MAGI1: variants seen among roughly 807,000 people sequenced by gnomAD.
MAGI1 encodes membrane-associated guanylate kinase, WW and PDZ domain-containing protein 1.
In MAGI1, 58 loss-of-function variants were observed where a neutral mutation model predicts 139.9. The observed-to-expected ratio is 0.41, with a 90% confidence interval of 0.34 to 0.52. MAGI1 has a LOEUF of 0.52. MAGI1 is among the 20% of genes least tolerant of loss of function. The pLI, the probability that MAGI1 is intolerant of heterozygous loss-of-function variation, is 0.12. For synonymous variants in MAGI1, 812 were observed against 737.9 expected (o/e 1.10, Z -1.63); for missense variants, 1,874 against 1,901.6 (o/e 0.99, Z 0.27).
chr3:65,890,112 TC>T (rs1171425635), intron 1 of MAGI1, among the ~76,000 whole-genome samples: 1 of 113,510 alleles, frequency 8.8e-6, no homozygotes, highest in Non-Finnish European at 1.7e-5. Flanking sequence ...ACGCCTGTAA[TC>T]CCGGCACTTT....
intron 1 of MAGI1, among the ~76,000 whole-genome samples, chr3:65,656,472 T>C (rs939284129): frequency 6.6e-6 from 1 of 152,204 alleles, no homozygotes; most frequent in Admixed American, 6.5e-5. Context: ...ACACATGTTT[T>C]AGGTGCTTTT....
intron 2 of MAGI1, chr3:65,609,795 T>C: frequency 2.9e-6 from 1 of 341,054 alleles, no homozygotes; most frequent in East Asian, 1.1e-4. Flanking sequence ...CAGGCTGGTC[T>C]CAAACTCCTG....
At chr3:65,532,441 C>A (rs1400937564) in intron 2 of MAGI1, among the ~76,000 whole-genome samples, 5 of 152,212 alleles carry the variant, frequency 3.3e-5, no homozygotes, top group Non-Finnish European at 5.9e-5. Context: ...CCCTGGAATA[C>A]AGACTACATA....
chr3:65,602,591 G>T (rs540748657), intron 2 of MAGI1, among the ~76,000 whole-genome samples: 7 of 152,158 alleles, frequency 4.6e-5, no homozygotes, highest in South Asian at 4.1e-4. Context: ...CTTTCTCGGG[G>T]TGATAAAAAC....
At chr3:65,610,981 TAG>T (rs1488488986) in intron 2 of MAGI1, among the ~76,000 whole-genome samples, 3 of 132,146 alleles carry the variant, frequency 2.3e-5, no homozygotes, top group African/African-American at 8.5e-5. Flanking sequence ...CACTATATAG[TAG>T]ATAGTATATA....
rs1033553795 is a variant in MAGI1, at chr3:65,845,183, G to A, written c.313+192813C>T. ...GGAGAATCACTTGAACCCAGGAGGCGGCGGTTGCAGTGAGCTGAGATTGTG... is the reference window on the plus strand; with the variant it reads ...GGAGAATCACTTGAACCCAGGAGGCAGCGGTTGCAGTGAGCTGAGATTGTG... On this transcript the variant is annotated intron_variant, in intron 1 of 22. Coordinates refer to ENST00000402939, the MANE Select transcript of MAGI1 (RefSeq NM_001033057.2). Among the ~76,000 whole-genome samples, 13 of 151,888 alleles carry A rather than the reference G, an allele frequency of 8.6e-5. No individual in the cohort carries two copies. The South Asian group carries it at 1.7e-3, about 19-fold the overall frequency.
Position 65,890,175 on chromosome 3 carries a change from T to C in MAGI1, c.313+147821A>G, listed in dbSNP as rs370468164. On this transcript the variant is annotated intron_variant, in intron 1 of 22. Coordinates refer to ENST00000402939, the MANE Select transcript of MAGI1 (RefSeq NM_001033057.2). ...GTCAGGAGATCGAGACCATCCTGGC[T>C]AACACAGTGAAACCCCGTCTCTACT... Among the ~76,000 whole-genome samples, 28 of 152,170 alleles carry C rather than the reference T, an allele frequency of 1.8e-4. No individual in the cohort carries two copies. The East Asian group carries it at 5.4e-3, about 30-fold the overall frequency.
chr3:65,358,446 A>G (rs1488414937), intron 22 of MAGI1, among the ~76,000 whole-genome samples: 2 of 152,306 alleles, frequency 1.3e-5, no homozygotes, highest in South Asian at 2.1e-4. Flanking sequence ...CCCAAAACCT[A>G]GAGTGGGTTT....
intron 1 of MAGI1, among the ~76,000 whole-genome samples, chr3:65,849,001 CTTTTTTTTTTTTTTTTTTTTTTTTTTT>C (rs558270441): frequency 5.0e-5 from 2 of 39,636 alleles, no homozygotes; most frequent in African/African-American, 1.9e-4. Context: ...TCAGAGCATT[CTTTTTTTTTTTTTTTTTTTTTTTTTTT>C]TTTTTTTTTT....
At chr3:65,538,641 A>T (rs2079066558) in intron 2 of MAGI1, among the ~76,000 whole-genome samples, 5 of 152,064 alleles carry the variant, frequency 3.3e-5, no homozygotes, top group African/African-American at 7.2e-5. Flanking sequence ...TATAGCCCTA[A>T]TGTGATTCTC....
intron 1 of MAGI1, among the ~76,000 whole-genome samples, chr3:65,958,405 G>A (rs2064241094): frequency 6.6e-6 from 1 of 152,162 alleles, no homozygotes; most frequent in African/African-American, 2.4e-5. Context: ...CATCAAAAAG[G>A]TATGCATGCA....
intron 6 of MAGI1, 185 bp from the exon 7 acceptor site, chr3:65,448,242 A>C: frequency 3.2e-6 from 2 of 618,886 alleles, no homozygotes; most frequent in Non-Finnish European, 5.8e-6. Flanking sequence ...TGTAAATCAC[A>C]AAACGGGAAG....
intron 2 of MAGI1, among the ~76,000 whole-genome samples, chr3:65,529,977 G>T (rs529792298): frequency 1.3e-5 from 2 of 151,982 alleles, no homozygotes; most frequent in Non-Finnish European, 2.9e-5. Flanking sequence ...TGTCTTAAAT[G>T]ACTTTAAGTC....
chr3:65,375,784 C>A lies in MAGI1; in HGVS notation c.3157G>T (p.Ala1053Ser). ...HSDIVNLIKEAGNTVTLRIIP... is the reference protein window; with the variant it reads ...HSDIVNLIKESGNTVTLRIIP... ...ATGCGGAGGGTAACTGTGTTTCCCG[C>A]TTCCTTGATTAGGTTCACAATGTCT... The change falls in exon 18 of 23, where the codon GCG (alanine) becomes TCG (serine). Residue 1053 changes from alanine to serine, a missense_variant. Ala to Ser is a moderately conservative substitution (Grantham distance 99). Transcript: ENST00000402939. The A allele has an allele frequency of 1.2e-6, 2 of 1,614,078 alleles. No individual in the cohort carries two copies. Among genetic ancestry groups the A allele is most frequent in the Non-Finnish European group, 1.7e-6 (2 of 1,180,004 alleles).
chr3:65,906,269 C>A (rs1206012839), intron 1 of MAGI1, among the ~76,000 whole-genome samples: 1 of 152,014 alleles, frequency 6.6e-6, no homozygotes, highest in South Asian at 2.1e-4. Context: ...TGGAATAGCA[C>A]GTAAAAGCTC....
chr3:65,610,467 C>T (rs1294845463), intron 2 of MAGI1, among the ~76,000 whole-genome samples: 2 of 151,934 alleles, frequency 1.3e-5, no homozygotes, highest in Non-Finnish European at 2.9e-5. Context: ...TTAAAGAACA[C>T]TTTACCTACA....
chr3:65,739,514 T>G (rs778520429), intron 1 of MAGI1, among the ~76,000 whole-genome samples: 18 of 152,214 alleles, frequency 1.2e-4, no homozygotes, highest in Non-Finnish European at 2.4e-4. Flanking sequence ...AACTGTTTGG[T>G]TCAAGAGGCC....
At chr3:65,391,425 C>T (rs1943914296) in intron 13 of MAGI1, 67 bp from the exon 14 acceptor site, 1 of 1,361,254 alleles carries the variant, frequency 7.3e-7, no homozygotes, top group African/African-American at 1.4e-5. Context: ...TGGGTGCTTT[C>T]CACCAGCTTG....
intron 1 of MAGI1, among the ~76,000 whole-genome samples, chr3:65,839,256 T>C (rs2058727023): frequency 2.6e-5 from 4 of 152,174 alleles, no homozygotes; most frequent in Admixed American, 6.5e-5. Context: ...GTGATACTGA[T>C]GTAAAAAAAA....
Sources: allele counts gnomAD v4.1 joint callset (sites outside exome capture counted in the v4.1 genomes callset), GRCh38; gene constraint gnomAD v4.1.1; transcripts MANE v1.5; gene names NCBI Gene and HGNC (gene_info 2026-07-23, HGNC 2026-07-21).